The following SUGCT variants were observed in gnomAD, a reference collection of about 807,000 sequenced individuals.
SUGCT encodes the protein succinyl-CoA:glutarate-CoA transferase, also known as succinyl-CoA:glutarate CoA-transferase.
A neutral mutation model predicts 55.0 loss-of-function variants in SUGCT; 41 were observed. The observed-to-expected ratio is 0.74, with a 90% CI of 0.58 to 0.97. The LOEUF is 0.97. Among genes scored for constraint, SUGCT ranks in the 50% least tolerant of loss-of-function variants. The pLI is 0.00. For synonymous variants in SUGCT, 187 were observed against 200.4 expected, an observed-to-expected ratio of 0.93 and a Z score of 0.56; for missense variants, 568 against 547.8, an observed-to-expected ratio of 1.04 and a Z score of -0.37.
the SUGCT span, among the ~76,000 whole-genome samples, chr7:40,970,944 T>C: frequency 6.6e-6 from 1 of 152,214 alleles, no homozygotes; most frequent in Non-Finnish European, 1.5e-5. Context: ...AGTGACACTC[T>C]GACTTACGTT....
chr7:40,544,967 G>A (rs1794912595), intron 12 of SUGCT, among the ~76,000 whole-genome samples: 1 of 152,162 alleles, frequency 6.6e-6, no homozygotes, highest in Non-Finnish European at 1.5e-5. Flanking sequence ...CTCTCCTCAT[G>A]CACTTATACA....
At chr7:40,424,926 A>G (rs999468395) in intron 9 of SUGCT, among the ~76,000 whole-genome samples, 6 of 152,162 alleles carry the variant, frequency 3.9e-5, no homozygotes, top group African/African-American at 1.4e-4. Flanking sequence ...TAGGTACTCA[A>G]TGAATGGGAG....
In SUGCT at chr7:40,690,811, C is replaced by G. The variant is rs561690333; in HGVS notation, c.1090-58623C>G. On this transcript the variant is annotated intron_variant, in intron 12 of 13. Transcript: ENST00000335693. The stretch of plus-strand genomic sequence containing the variant: ...CAGTTTGATCTTGAATTCCTGGGCT[C>G]AAGCCATCCACACTCCTCAGCCTCC... Among the ~76,000 whole-genome samples the G allele has an allele frequency of 4.6e-5, 7 of 152,228 alleles. No individual in the cohort carries two copies. The East Asian group carries it at 1.4e-3, about 29-fold the overall frequency.
intron 12 of SUGCT, among the ~76,000 whole-genome samples, chr7:40,736,951 A>C (rs1374090080): frequency 6.6e-6 from 1 of 152,210 alleles, no homozygotes; most frequent in African/African-American, 2.4e-5. Flanking sequence ...TAGCATAAGC[A>C]TACAGTAAGC....
intron 13 of SUGCT, among the ~76,000 whole-genome samples, chr7:40,852,085 C>T (rs10231596): frequency 0.22 from 33,170 of 152,166 alleles, 4,768 homozygotes; most frequent in East Asian, 0.8. Flanking sequence ...CCACTGACAT[C>T]TCTCTTTGGA....
chr7:40,385,001 A>G (rs1307980859), intron 9 of SUGCT, among the ~76,000 whole-genome samples: 1 of 152,156 alleles, frequency 6.6e-6, no homozygotes, highest in East Asian at 1.9e-4. Flanking sequence ...GACACATTAA[A>G]CAAGTAATTA....
At chr7:40,988,933 C>T in the SUGCT span, among the ~76,000 whole-genome samples, 1 of 151,646 alleles carries the variant, frequency 6.6e-6, no homozygotes, top group African/African-American at 2.4e-5. Context: ...AGTATATAGG[C>T]AGGTTTGATT....
rs1010526141 is a variant in SUGCT, at chr7:40,832,969, G to C, written c.1154-27347G>C. 2.0e-5 allele frequency among the ~76,000 whole-genome samples: 3 copies of C among 151,658 alleles called. No homozygotes were observed. The South Asian group carries it at 6.3e-4, about 32-fold the overall frequency. ...GATTACAGGCGTGAGTCACTGTGCC[G>C]GGCCTCTTCCACTCCTACTTCTATT... On this transcript the variant is annotated intron_variant, in intron 13 of 13. Coordinates refer to ENST00000335693, the MANE Select transcript of SUGCT (RefSeq NM_001193313.2).
intron 8 of SUGCT, among the ~76,000 whole-genome samples, chr7:40,305,847 C>A (rs1406388634): frequency 6.6e-6 from 1 of 151,754 alleles, no homozygotes; most frequent in Non-Finnish European, 1.5e-5. Context: ...TTATTCTTAG[C>A]TGAGAAGAGG....
intron 9 of SUGCT, among the ~76,000 whole-genome samples, chr7:40,366,320 A>G (rs1783959482): frequency 6.6e-6 from 1 of 152,184 alleles, no homozygotes; most frequent in Admixed American, 6.5e-5. Context: ...CCTAGAAGAA[A>G]ACCTAGGCAT....
intron 12 of SUGCT, among the ~76,000 whole-genome samples, chr7:40,606,715 C>T (rs913986084): frequency 1.3e-5 from 2 of 152,060 alleles, no homozygotes; most frequent in South Asian, 2.1e-4. Flanking sequence ...AACCTGTCAG[C>T]GTTAACATCT....
At chr7:40,617,655 T>C (rs1358457965) in intron 12 of SUGCT, among the ~76,000 whole-genome samples, 7 of 152,194 alleles carry the variant, frequency 4.6e-5, no homozygotes, top group Non-Finnish European at 7.3e-5. Flanking sequence ...CTGGGAAGAC[T>C]TAAAATGTCT....
chr7:40,832,939 G>A (rs1278540739), intron 13 of SUGCT, among the ~76,000 whole-genome samples: 1 of 152,080 alleles, frequency 6.6e-6, no homozygotes, highest in Non-Finnish European at 1.5e-5. Flanking sequence ...CTCCCAAAGT[G>A]CTGGGATTAC....
chr7:40,780,801 C>A (rs1000654863), intron 13 of SUGCT, among the ~76,000 whole-genome samples: 1 of 133,960 alleles, frequency 7.5e-6, no homozygotes, highest in African/African-American at 2.8e-5. Flanking sequence ...AATTTTGTTG[C>A]CTTTAACAAA....
chr7:40,298,210 C>A (rs1384074772), intron 8 of SUGCT, among the ~76,000 whole-genome samples: 1 of 150,518 alleles, frequency 6.6e-6, no homozygotes, highest in Admixed American at 6.6e-5. Context: ...AAAAAAAGAT[C>A]AGTCACCATG....
At chr7:40,285,754 A>G (rs935698878) in intron 8 of SUGCT, among the ~76,000 whole-genome samples, 1 of 152,158 alleles carries the variant, frequency 6.6e-6, no homozygotes, top group African/African-American at 2.4e-5. Context: ...TATAACGGTG[A>G]GTACTTTTTT....
At chr7:40,877,075 TG>T in the SUGCT span, among the ~76,000 whole-genome samples, 4 of 152,240 alleles carry the variant, frequency 2.6e-5, no homozygotes, top group Non-Finnish European at 1.5e-5. Flanking sequence ...TACTCAACTT[TG>T]TTTTCAAGGA....
intron 11 of SUGCT, among the ~76,000 whole-genome samples, chr7:40,472,653 T>A (rs2151473117): frequency 6.6e-6 from 1 of 151,734 alleles, no homozygotes. Context: ...ATAATGCCAA[T>A]AATAATAATA....
At chr7:40,887,571 G>C in the SUGCT span, among the ~76,000 whole-genome samples, 1 of 152,210 alleles carries the variant, frequency 6.6e-6, no homozygotes, top group Non-Finnish European at 1.5e-5. Flanking sequence ...TGGTAGTATT[G>C]ACTGAGACAG....
Sources: gnomAD v4.1 joint callset for allele counts (sites outside exome capture counted in the v4.1 genomes callset) on GRCh38, gnomAD v4.1.1 for gene constraint, MANE v1.5 for transcripts, NCBI Gene and HGNC (gene_info 2026-07-23, HGNC 2026-07-21) for gene names.